SGPL1: variants seen among roughly 807,000 people sequenced by gnomAD.
The protein encoded by SGPL1 is SP-lyase 1.
Under a neutral mutation model 68.9 loss-of-function variants are expected in SGPL1, and 37 were observed. The ratio of observed to expected loss-of-function variants is 0.54; its 90% CI spans 0.41 to 0.71. The LOEUF (loss-of-function observed/expected upper bound fraction) is 0.71, where lower values mean the gene tolerates loss of function less well. Ranked by LOEUF, SGPL1 falls within the 30% of genes least tolerant of loss-of-function variation. The probability of loss-of-function intolerance (pLI) is 0.00; values close to 1 mark genes in which losing one functional copy is unlikely to be tolerated. For synonymous variants in SGPL1, 236 were observed against 248.5 expected (o/e 0.95, Z 0.47); for missense variants, 551 against 704.6 (o/e 0.78, Z 2.47).
chr10:70,831,271 G>A (rs1845530968), intron 2 of SGPL1, among the ~76,000 whole-genome samples: 1 of 152,078 alleles, frequency 6.6e-6, no homozygotes. Context: ...AAACGTGTGG[G>A]ATTTTTTTCC....
At chr10:70,826,827 T>A (rs1166136586) in intron 2 of SGPL1, among the ~76,000 whole-genome samples, 2 of 152,254 alleles carry the variant, frequency 1.3e-5, no homozygotes, top group Non-Finnish European at 2.9e-5. Flanking sequence ...TGCTCAGTAT[T>A]CATGCGATCC....
At chr10:70,816,990 G>A in intron 2 of SGPL1, 110 bp downstream of exon 2, 1 of 1,073,510 alleles carries the variant, frequency 9.3e-7, no homozygotes, top group Non-Finnish European at 1.5e-6. Flanking sequence ...TTTGGTAGCT[G>A]AGCGTTTTGC....
rs1336723319 is a variant in SGPL1 at position 70,820,409 on chromosome 10, G to A, written c.27+3529G>A. The A allele has an allele frequency of 2.0e-5, 3 of 152,094 alleles. No individual in the cohort carries two copies. In the South Asian group the frequency reaches 6.2e-4, roughly 32 times the overall value. The allele number at this position is 152,094 out of a possible 1,614,324, so 9.4% of individuals were successfully genotyped here. A position where few individuals can be genotyped will look rare whatever the true frequency, so the allele number is the denominator to read the frequency against. On this transcript the variant is annotated intron_variant, in intron 2 of 14. Coordinates refer to ENST00000373202, the MANE Select transcript of SGPL1 (RefSeq NM_003901.4). ...GGGGGCACTTTGGCAATGGGGGACTGGGGGAGGAGGGAGTCTTTTTTCTTC... is the reference window on the plus strand; with the variant it reads ...GGGGGCACTTTGGCAATGGGGGACTAGGGGAGGAGGGAGTCTTTTTTCTTC...
At chr10:70,872,398 C>T (rs1414552634) in intron 11 of SGPL1, among the ~76,000 whole-genome samples, 2 of 152,148 alleles carry the variant, frequency 1.3e-5, no homozygotes, top group African/African-American at 4.8e-5. Context: ...CAACTGGGCT[C>T]CTGAGCGTAC....
chr10:70,856,820 G>A (rs1845972237), intron 5 of SGPL1, among the ~76,000 whole-genome samples: 1 of 152,298 alleles, frequency 6.6e-6, no homozygotes, highest in Non-Finnish European at 1.5e-5. Context: ...CAGCTGCATT[G>A]TAGCACAAGG....
intron 7 of SGPL1, among the ~76,000 whole-genome samples, chr10:70,863,108 C>T (rs1186826133): frequency 2.0e-5 from 3 of 152,080 alleles, no homozygotes; most frequent in African/African-American, 2.4e-5. Context: ...ACCTCAGCCC[C>T]CTTGAGTAGC....
Position 70,871,869 on chromosome 10 carries a change from C to T in SGPL1, c.942C>T (p.Val314=), listed in dbSNP as rs865832. 0.19 allele frequency: 299,039 copies of T among 1,613,402 alleles called. 28,735 individuals are homozygous for T. Among genetic ancestry groups the T allele is most frequent in the Middle Eastern group, 0.21 (1,284 of 6,048 alleles). Reference sequence around the variant, plus strand: ...TCAAATACAAAATACCCCTTCATGTCGACGCTTGTCTGGGAGGCTTCCTCA... The same window carrying T: ...TCAAATACAAAATACCCCTTCATGTTGACGCTTGTCTGGGAGGCTTCCTCA... The part of the protein sequence containing the change: ...LAVKYKIPLH[V]DACLGGFLIV... Residue 314 remains valine (V), a synonymous_variant, in exon 11 of 15, where the codon GTC becomes GTT. Transcript: ENST00000373202.
chr10:70,847,427 G>A (rs1845809665), intron 3 of SGPL1, among the ~76,000 whole-genome samples: 1 of 152,130 alleles, frequency 6.6e-6, no homozygotes. Context: ...GAGATTACAG[G>A]CCTGAGCCAC....
intron 13 of SGPL1, 139 bp downstream of exon 13, chr10:70,875,687 C>T (rs955796592): frequency 1.7e-6 from 1 of 592,356 alleles, no homozygotes; most frequent in Non-Finnish European, 2.9e-6. Context: ...AAGGATTTCT[C>T]TCTTGCCACC....
chr10:70,862,690 G>C (rs1038869797), intron 7 of SGPL1, among the ~76,000 whole-genome samples: 2 of 151,848 alleles, frequency 1.3e-5, no homozygotes, highest in Admixed American at 1.3e-4. Context: ...CGGACGCGCT[G>C]CCTTAAGAGC....
Position 70,859,434 on chromosome 10 carries a change from A to C in SGPL1, c.550A>C (p.Ile184Leu), listed in dbSNP as rs1197182736. 6.4e-7 allele frequency: 1 copy of C among 1,573,552 alleles called. No individual in the cohort carries two copies. The highest frequency in any genetic ancestry group is 1.2e-5 in the South Asian group (1 of 84,296). The change falls in exon 7 of 15, where the codon ATA becomes CTA. Residue 184 changes from isoleucine to leucine, a missense_variant. Transcript: ENST00000373202. ...HPDIFPGLRK[I>L]EAEIVRIACS... The stretch of plus-strand genomic sequence containing the variant: ...AGATATCTTCCCAGGACTACGCAAG[A>C]TAGAGGCAGAAATCGTGAGGATAGC...
intron 2 of SGPL1, among the ~76,000 whole-genome samples, chr10:70,840,922 T>C (rs2131879210): frequency 6.6e-6 from 1 of 152,302 alleles, no homozygotes; most frequent in East Asian, 1.9e-4. Flanking sequence ...ATAATATCTA[T>C]AGTCATCTTT....
intron 2 of SGPL1, among the ~76,000 whole-genome samples, chr10:70,832,953 A>G (rs1279690189): frequency 6.6e-6 from 1 of 152,162 alleles, no homozygotes; most frequent in African/African-American, 2.4e-5. Context: ...TTCAGAAGAG[A>G]GGTGCTCAGA....
intron 9 of SGPL1, 164 bp downstream of exon 9, chr10:70,870,061 T>C: frequency 1.9e-6 from 1 of 536,976 alleles, no homozygotes; most frequent in Non-Finnish European, 3.3e-6. Context: ...AGCTTCAGTC[T>C]TTTCATAGGT....
intron 3 of SGPL1, among the ~76,000 whole-genome samples, chr10:70,850,707 A>G (rs1046087745): frequency 6.6e-6 from 1 of 152,214 alleles, no homozygotes; most frequent in African/African-American, 2.4e-5. Context: ...CTCTGCAGCT[A>G]TAAAAATGAA....
chr10:70,822,046 A>C (rs762603123), intron 2 of SGPL1, among the ~76,000 whole-genome samples: 1 of 152,142 alleles, frequency 6.6e-6, no homozygotes, highest in Non-Finnish European at 1.5e-5. Context: ...GAGCGTCTTT[A>C]TCTGTGACCC....
At chr10:70,872,476 C>A (rs561234043) in intron 11 of SGPL1, among the ~76,000 whole-genome samples, 2 of 152,196 alleles carry the variant, frequency 1.3e-5, no homozygotes, top group Non-Finnish European at 2.9e-5. Flanking sequence ...CAGGAACATT[C>A]AGCATTTGAG....
chr10:70,870,245 C>T (rs940609862), intron 9 of SGPL1, among the ~76,000 whole-genome samples: 1 of 152,116 alleles, frequency 6.6e-6, no homozygotes, highest in African/African-American at 2.4e-5. Context: ...CATCTGTAAT[C>T]CCAGCACTTT....
chr10:70,826,627 T>C (rs1265171795), intron 2 of SGPL1, among the ~76,000 whole-genome samples: 1 of 152,254 alleles, frequency 6.6e-6, no homozygotes, highest in Non-Finnish European at 1.5e-5. Flanking sequence ...AACTCTACGC[T>C]TCACCCTGTT....
Sources: gnomAD v4.1 joint callset for allele counts (sites outside exome capture counted in the v4.1 genomes callset) on GRCh38, gnomAD v4.1.1 for gene constraint, MANE v1.5 for transcripts, NCBI Gene and HGNC (gene_info 2026-07-23, HGNC 2026-07-21) for gene names.